CEACAM3: variants seen among roughly 807,000 people sequenced by gnomAD.
CEACAM3 encodes CEA cell adhesion molecule 3.
A neutral mutation model predicts 30.1 loss-of-function variants in CEACAM3; 32 were observed. The observed-to-expected ratio is 1.06, with a 90% CI of 0.80 to 1.43. CEACAM3 has a LOEUF of 1.43. Ranked by LOEUF, CEACAM3 falls within the 40% of genes most tolerant of loss-of-function variation. The pLI is 0.00. For synonymous variants in CEACAM3, 134 were observed against 127.2 expected, an observed-to-expected ratio of 1.05 and a Z score of -0.36; for missense variants, 290 against 316.3, an observed-to-expected ratio of 0.92 and a Z score of 0.63.
In CEACAM3 at chr19:41,810,898, G is replaced by A. The variant is rs781850038; in HGVS notation, c.693+1G>A. The A allele has an allele frequency of 2.7e-5, 44 of 1,613,334 alleles. 2 individuals are homozygous for A. The highest frequency in any genetic ancestry group is 2.7e-5 in the Non-Finnish European group (32 of 1,179,656). ...CAGGACAGCAGCTTCCATCTATGAG[G>A]TGAGTGTGGGCCACGGATGTTCTGG... On this transcript the variant is annotated splice_donor_variant, in intron 6 of 6. Coordinates refer to ENST00000357396, the MANE Select transcript of CEACAM3 (RefSeq NM_001815.5). LOFTEE classifies it high-confidence loss of function.
At chr19:41,803,745 C>CACCCT in intron 2 of CEACAM3, among the ~76,000 whole-genome samples, 1 of 85,156 alleles carries the variant, frequency 1.2e-5, no homozygotes, top group Non-Finnish European at 3.4e-5. Flanking sequence ...GGATTACAGG[C>CACCCT]ATGAGCCACC....
intron 2 of CEACAM3, chr19:41,807,330 G>A (rs2073211432): frequency 6.2e-7 from 1 of 1,607,572 alleles, no homozygotes; most frequent in Non-Finnish European, 8.5e-7. Context: ...CCCTATGAGT[G>A]TGAAATACCG....
intron 1 of CEACAM3, chr19:41,797,351 G>C (rs557275540): frequency 1.9e-6 from 1 of 536,308 alleles, no homozygotes; most frequent in East Asian, 3.2e-5. Context: ...ATGTGAGCAG[G>C]ATCTGAGGGC....
At chr19:41,805,321 T>C (rs1207647861) in intron 2 of CEACAM3, among the ~76,000 whole-genome samples, 39 of 148,304 alleles carry the variant, frequency 2.6e-4, no homozygotes, top group Non-Finnish European at 3.6e-4. Flanking sequence ...GATAGAGTTT[T>C]ACTCTTGTCA....
intron 6 of CEACAM3, 129 bp downstream of exon 6, chr19:41,811,026 A>G: frequency 4.8e-6 from 6 of 1,255,736 alleles, no homozygotes; most frequent in Non-Finnish European, 5.7e-6. Context: ...TGGCGAGCAG[A>G]GGAGGGAGGG....
At chr19:41,807,512 G>A in intron 2 of CEACAM3, 2 of 1,418,650 alleles carry the variant, frequency 1.4e-6, no homozygotes, top group Non-Finnish European at 1.9e-6. Flanking sequence ...ATCACTTCCT[G>A]TCCCAAGCAA....
At chr19:41,800,702 A>G (rs532320530) in intron 2 of CEACAM3, among the ~76,000 whole-genome samples, 116 of 152,204 alleles carry the variant, frequency 7.6e-4, no homozygotes, top group African/African-American at 2.5e-3. Flanking sequence ...TCTCTGCCTC[A>G]TCTGCCAGGC....
chr19:41,802,906 G>A (rs1216754179), intron 2 of CEACAM3, among the ~76,000 whole-genome samples: 4 of 152,082 alleles, frequency 2.6e-5, no homozygotes, highest in Admixed American at 6.6e-5. Context: ...AGTCACTTAT[G>A]AAGTTCACAG....
chr19:41,803,583 CAGCCTCCCAAATAGCT>C (rs781864545), intron 2 of CEACAM3, among the ~76,000 whole-genome samples: 17 of 151,926 alleles, frequency 1.1e-4, no homozygotes, highest in Non-Finnish European at 2.1e-4. Flanking sequence ...TCTCCTGCCT[CAGCCTCCCAAATAGCT>C]GGGACCACAG....
intron 2 of CEACAM3, among the ~76,000 whole-genome samples, chr19:41,807,811 C>T (rs1053039814): frequency 2.6e-5 from 4 of 152,200 alleles, no homozygotes; most frequent in African/African-American, 9.7e-5. Flanking sequence ...CCCCCAGACT[C>T]CTATTACCAT....
chr19:41,804,772 T>A (rs1371655186), intron 2 of CEACAM3, among the ~76,000 whole-genome samples: 2 of 152,050 alleles, frequency 1.3e-5, no homozygotes, highest in Non-Finnish European at 2.9e-5. Context: ...CCAATTGACC[T>A]CAGACCTTTC....
At chr19:41,804,626 A>G (rs2073184221) in intron 2 of CEACAM3, among the ~76,000 whole-genome samples, 1 of 152,126 alleles carries the variant, frequency 6.6e-6, no homozygotes, top group East Asian at 1.9e-4. Flanking sequence ...AGGACTCACA[A>G]TTCTCTCTCT....
At chr19:41,801,540 C>T (rs1443329717) in intron 2 of CEACAM3, among the ~76,000 whole-genome samples, 1 of 152,184 alleles carries the variant, frequency 6.6e-6, no homozygotes, top group Non-Finnish European at 1.5e-5. Context: ...GCTAAGTAAG[C>T]CAAACAGTAA....
intron 2 of CEACAM3, chr19:41,807,602 G>A: frequency 8.2e-7 from 1 of 1,222,766 alleles, no homozygotes; most frequent in Non-Finnish European, 1.0e-6. Context: ...TCCACAGCCT[G>A]TGATGGGAGA....
rs61738270 is a variant in CEACAM3, at chr19:41,797,753, A to C, written c.229A>C (p.Ser77Arg). Residue 77 changes from serine to arginine, a missense_variant, in exon 2 of 7, where the codon AGT (serine) becomes CGT (arginine). Transcript: ENST00000357396. ...CAAAGGGGAAAGAGTGGATGGCAAC[A>C]GTCTAATTGTAGGATATGTAATAGG... The part of the protein sequence containing the change: ...WYKGERVDGN[S>R]LIVGYVIGTQ... 12,966 of 1,605,928 alleles carry C rather than the reference A, an allele frequency of 8.1e-3. 1,143 individuals are homozygous for C. In the African/African-American group the frequency reaches 0.15, roughly 19 times the overall value.
At chr19:41,802,494 C>T (rs972190647) in intron 2 of CEACAM3, among the ~76,000 whole-genome samples, 6 of 152,186 alleles carry the variant, frequency 3.9e-5, no homozygotes, top group Non-Finnish European at 8.8e-5. Context: ...GCAGAACCAG[C>T]GCTGGGGTCA....
intron 2 of CEACAM3, among the ~76,000 whole-genome samples, chr19:41,803,418 GTGTGTGTA>G (rs372914112): frequency 0.017 from 2,296 of 136,308 alleles, 213 homozygotes; most frequent in Middle Eastern, 0.039. Context: ...GCAAAGTTTT[GTGTGTGTA>G]TGTGTGTGTG....
In CEACAM3 at chr19:41,810,914, G is replaced by A. The variant is rs1555827539; in HGVS notation, c.693+17G>A. ...ATCTATGAGGTGAGTGTGGGCCACG[G>A]ATGTTCTGGTCCCACAGGCCCCAGG... On this transcript the variant is annotated intron_variant, in intron 6 of 6. Transcript: ENST00000357396. The A allele has an allele frequency of 6.2e-7, 1 of 1,610,914 alleles. No homozygotes were observed. The highest frequency in any genetic ancestry group is 1.7e-5 in the Admixed American group (1 of 59,498).
intron 4 of CEACAM3, 150 bp downstream of exon 4, chr19:41,810,167 G>T (rs1156676337): frequency 1.2e-5 from 15 of 1,238,298 alleles, no homozygotes; most frequent in Non-Finnish European, 1.6e-5. Flanking sequence ...GACCCCAATT[G>T]CTTGGGTCAG....
Sources: allele counts gnomAD v4.1 joint callset (sites outside exome capture counted in the v4.1 genomes callset), GRCh38; gene constraint gnomAD v4.1.1; transcripts MANE v1.5; gene names NCBI Gene and HGNC (gene_info 2026-07-23, HGNC 2026-07-21).